ST8SIA1: variants seen among roughly 807,000 people sequenced by gnomAD.
ST8SIA1 encodes alpha-N-acetylneuraminide alpha-2,8-sialyltransferase.
A neutral mutation model predicts 35.9 loss-of-function variants in ST8SIA1; 16 were observed. The ratio of observed to expected loss-of-function variants is 0.45; its 90% CI spans 0.30 to 0.68. The LOEUF is 0.68. Ranked by LOEUF, ST8SIA1 falls within the 30% of genes least tolerant of loss-of-function variation. The pLI is 0.09. For missense variants in ST8SIA1, 383 were observed against 453.6 expected (o/e 0.84, Z 1.41); for synonymous variants, 170 against 169.6 (o/e 1.00, Z -0.02).
At chr12:22,328,779 A>T (rs1866716199) in intron 1 of ST8SIA1, among the ~76,000 whole-genome samples, 1 of 152,236 alleles carries the variant, frequency 6.6e-6, no homozygotes, top group Non-Finnish European at 1.5e-5. Flanking sequence ...ATATACTGGA[A>T]ATAGTTCTAA....
intron 2 of ST8SIA1, among the ~76,000 whole-genome samples, chr12:22,276,799 GGA>G (rs1591841798): frequency 1.3e-5 from 2 of 151,694 alleles, no homozygotes; most frequent in African/African-American, 4.9e-5. Context: ...CAGGAAGAGG[GGA>G]GAGAGAGAGA....
chr12:22,218,562 G>A (rs1299676168), intron 4 of ST8SIA1, among the ~76,000 whole-genome samples: 1 of 151,012 alleles, frequency 6.6e-6, no homozygotes, highest in Non-Finnish European at 1.5e-5. Context: ...AGGTTGCAGT[G>A]GGCCGAGATC....
At position 22,274,507 on chromosome 12, in the gene ST8SIA1, T is replaced by A. The variant is rs139683068; in HGVS notation, c.381+12642A>T. ...CCATCAGCTCCATCCAATAACAATT[T>A]CTTAAGAATAATATATGTCTTAAAA... On this transcript the variant is annotated intron_variant, in intron 2 of 4. Transcript: ENST00000396037. Among the ~76,000 whole-genome samples the A allele has an allele frequency of 2.0e-3, 302 of 152,336 alleles. 4 individuals are homozygous for A. Among genetic ancestry groups the A allele is most frequent in the African/African-American group, 6.9e-3 (286 of 41,576 alleles).
At chr12:22,322,407 TGAA>T (rs1866613614) in intron 1 of ST8SIA1, among the ~76,000 whole-genome samples, 1 of 152,240 alleles carries the variant, frequency 6.6e-6, no homozygotes, top group Non-Finnish European at 1.5e-5. Flanking sequence ...AATAAAGGAA[TGAA>T]GGAGTGAATA....
intron 1 of ST8SIA1, among the ~76,000 whole-genome samples, chr12:22,315,916 C>A (rs1043946413): frequency 1.3e-5 from 2 of 152,126 alleles, no homozygotes; most frequent in Non-Finnish European, 2.9e-5. Context: ...GTACAGCAAA[C>A]CACTATGGCA....
At chr12:22,301,085 A>C (rs546175189) in intron 1 of ST8SIA1, among the ~76,000 whole-genome samples, 8 of 152,234 alleles carry the variant, frequency 5.3e-5, no homozygotes, top group African/African-American at 1.9e-4. Context: ...CAGAGGTAAT[A>C]AATTTCTTTG....
At chr12:22,275,108 T>C (rs1865954074) in intron 2 of ST8SIA1, among the ~76,000 whole-genome samples, 1 of 152,184 alleles carries the variant, frequency 6.6e-6, no homozygotes, top group East Asian at 1.9e-4. Context: ...GAAATGATGC[T>C]TTGGCTGGAT....
chr12:22,321,371 C>T lies in ST8SIA1; in HGVS notation c.236+12626G>A, dbSNP rs111447285. Among the ~76,000 whole-genome samples, 78 of 152,266 alleles carry T rather than the reference C, an allele frequency of 5.1e-4. 1 individual carries two copies. Among genetic ancestry groups the T allele is most frequent in the African/African-American group, 1.6e-3 (67 of 41,564 alleles). ...AGGCTGGGCAGCCAAGCAGGGTTCA[C>T]GCGGAAGCAGCCACCCCCAACAGAG... On this transcript the variant is annotated intron_variant, in intron 1 of 4. Coordinates refer to ENST00000396037, the MANE Select transcript of ST8SIA1 (RefSeq NM_003034.4).
chr12:22,320,843 AAG>A (rs142980247), intron 1 of ST8SIA1, among the ~76,000 whole-genome samples: 63 of 150,034 alleles, frequency 4.2e-4, no homozygotes, highest in African/African-American at 1.4e-3. Flanking sequence ...AAAGAAAAGA[AAG>A]AGAGAGAGAA....
At chr12:22,204,449 C>T (rs1046409059) in intron 4 of ST8SIA1, among the ~76,000 whole-genome samples, 1 of 152,168 alleles carries the variant, frequency 6.6e-6, no homozygotes, top group African/African-American at 2.4e-5. Flanking sequence ...CCTTCTAGAG[C>T]AGTTAGGATA....
chr12:22,249,421 C>T (rs763827018), intron 3 of ST8SIA1, among the ~76,000 whole-genome samples: 8 of 152,094 alleles, frequency 5.3e-5, no homozygotes, highest in Admixed American at 2.6e-4. Context: ...GGAGTTTCAC[C>T]GTGTTATCCA....
rs1865003726 is a variant in ST8SIA1 at position 22,197,558 on chromosome 12, C to T, written c.*3994G>A. On this transcript the variant is annotated 3_prime_UTR_variant, in exon 5 of 5. Transcript: ENST00000396037. ...GTTATAAAACTGGAATATGTAGCTG[C>T]TGACGAAAAGAAATGTTATCAATAT... is the stretch of plus-strand genomic sequence containing the variant. The T allele has an allele frequency of 6.6e-6, 1 of 152,154 alleles. No individual in the cohort carries two copies. The highest frequency in any genetic ancestry group is 1.5e-5 in the Non-Finnish European group (1 of 68,028). The allele number at this position is 152,154 out of a possible 1,614,324, so 9.4% of individuals were successfully genotyped here.
Position 22,198,214 on chromosome 12 carries a change from G to C in ST8SIA1, c.*3338C>G, listed in dbSNP as rs1865010657. 1 of 152,036 alleles carries C rather than the reference G, an allele frequency of 6.6e-6. No individual in the cohort carries two copies. The allele number at this position is 152,036 out of a possible 1,614,324, so 9.4% of individuals were successfully genotyped here. On this transcript the variant is annotated 3_prime_UTR_variant, in exon 5 of 5. Transcript: ENST00000396037. ...ACACAACAATTTTTTTAATTAGTCTGATGGTACAAAGTGATGCCCCCTCTT... is the reference window on the plus strand; with the variant it reads ...ACACAACAATTTTTTTAATTAGTCTCATGGTACAAAGTGATGCCCCCTCTT...
rs568626070 is a variant in ST8SIA1, at chr12:22,329,609, A to T, written c.236+4388T>A. Among the ~76,000 whole-genome samples, 6 of 152,260 alleles carry T rather than the reference A, an allele frequency of 3.9e-5. No individual in the cohort carries two copies. The South Asian group carries it at 8.3e-4, about 21-fold the overall frequency. On this transcript the variant is annotated intron_variant, in intron 1 of 4. Coordinates refer to ENST00000396037, the MANE Select transcript of ST8SIA1 (RefSeq NM_003034.4). ...CTAAACTTATATTTTACCTGTACAG[A>T]TGGCTGCACCTATGCTCCTCCCCTC... is the stretch of plus-strand genomic sequence containing the variant.
chr12:22,240,978 C>CTTTT (rs35021216), intron 4 of ST8SIA1, among the ~76,000 whole-genome samples: 7 of 130,452 alleles, frequency 5.4e-5, no homozygotes, highest in Non-Finnish European at 8.0e-5. Flanking sequence ...CATGCCAACT[C>CTTTT]TTTTTTTTTT....
Position 22,198,130 on chromosome 12 carries a change from A to C in ST8SIA1, c.*3422T>G, listed in dbSNP as rs959298067. 3.3e-5 allele frequency: 5 copies of C among 152,116 alleles called. No individual in the cohort carries two copies. Among genetic ancestry groups the C allele is most frequent in the Non-Finnish European group, 7.4e-5 (5 of 68,014 alleles). The allele number at this position is 152,116 out of a possible 1,614,324, so 9.4% of individuals were successfully genotyped here. A position where few individuals can be genotyped will look rare whatever the true frequency, so the allele number is the denominator to read the frequency against. ...AAAACTAAAATTCTATCAGGGTACT[A>C]GTTTTTAGTCTCTTCACCCTTCCTT... On this transcript the variant is annotated 3_prime_UTR_variant, in exon 5 of 5. Coordinates refer to ENST00000396037, the MANE Select transcript of ST8SIA1 (RefSeq NM_003034.4).
intron 4 of ST8SIA1, among the ~76,000 whole-genome samples, chr12:22,246,309 AAC>A (rs1038529401): frequency 2.0e-5 from 3 of 152,156 alleles, no homozygotes; most frequent in Non-Finnish European, 4.4e-5. Context: ...GAAAAACACA[AAC>A]ACACTTGGTG....
intron 1 of ST8SIA1, among the ~76,000 whole-genome samples, chr12:22,319,305 T>A (rs74068565): frequency 3.3e-4 from 50 of 152,320 alleles, no homozygotes; most frequent in African/African-American, 1.2e-3. Context: ...AAAATCTGCA[T>A]TAAAGCATCT....
At chr12:22,284,026 TA>T (rs1866066421) in intron 2 of ST8SIA1, among the ~76,000 whole-genome samples, 1 of 152,118 alleles carries the variant, frequency 6.6e-6, no homozygotes, top group Non-Finnish European at 1.5e-5. Flanking sequence ...ACTAACTAAC[TA>T]AAAGGAGTTT....
Sources: allele counts gnomAD v4.1 joint callset (sites outside exome capture counted in the v4.1 genomes callset), GRCh38; gene constraint gnomAD v4.1.1; transcripts MANE v1.5; gene names NCBI Gene and HGNC (gene_info 2026-07-23, HGNC 2026-07-21).